The following AK9 variants were observed in gnomAD, a reference collection of about 807,000 sequenced individuals.
AK9 encodes adenylate kinase domain containing 1.
A neutral mutation model predicts 239.6 loss-of-function variants in AK9; 191 were observed. The observed-to-expected ratio is 0.80, with a 90% confidence interval of 0.71 to 0.90. The LOEUF is 0.90. Among genes scored for constraint, AK9 ranks in the 40% least tolerant of loss-of-function variants. The pLI, the probability that AK9 is intolerant of heterozygous loss-of-function variation, is 0.00. For missense variants in AK9, 1,995 were observed against 2,214.7 expected, an observed-to-expected ratio of 0.90 and a Z score of 1.99; for synonymous variants, 689 against 721.0, an observed-to-expected ratio of 0.96 and a Z score of 0.71.
At chr6:109,592,446 CTTT>C (rs55998817) in intron 17 of AK9, among the ~76,000 whole-genome samples, 2 of 126,752 alleles carry the variant, frequency 1.6e-5, no homozygotes, top group African/African-American at 2.9e-5. Context: ...AATGGGATTT[CTTT>C]TTTTTTTTTT....
intron 17 of AK9, among the ~76,000 whole-genome samples, chr6:109,607,288 C>T (rs1358264472): frequency 2.0e-5 from 3 of 151,988 alleles, no homozygotes; most frequent in Admixed American, 2.0e-4. Flanking sequence ...TAAAGAAGAC[C>T]TAAATTAATT....
intron 27 of AK9, 151 bp downstream of exon 27, chr6:109,541,896 T>C (rs1782943353): frequency 1.6e-6 from 1 of 638,672 alleles, no homozygotes; most frequent in Non-Finnish European, 2.5e-6. Context: ...ACTCTACAGA[T>C]GTTTTTAATG....
chr6:109,651,175 T>C (rs1202665760), intron 8 of AK9, among the ~76,000 whole-genome samples: 1 of 151,864 alleles, frequency 6.6e-6, no homozygotes, highest in African/African-American at 2.4e-5. Flanking sequence ...GGCACATGTA[T>C]ACATATGTAA....
intron 35 of AK9, among the ~76,000 whole-genome samples, chr6:109,501,443 C>G (rs769701568): frequency 2.0e-5 from 3 of 152,178 alleles, no homozygotes; most frequent in Non-Finnish European, 4.4e-5. Context: ...CTCCACAATC[C>G]TGCTTTTAAA....
intron 17 of AK9, among the ~76,000 whole-genome samples, chr6:109,593,034 C>A (rs1237196050): frequency 6.6e-6 from 1 of 152,036 alleles, no homozygotes; most frequent in Non-Finnish European, 1.5e-5. Flanking sequence ...TATATATAAT[C>A]CCATATTTCT....
intron 17 of AK9, among the ~76,000 whole-genome samples, chr6:109,591,098 C>A (rs1052800302): frequency 2.6e-5 from 4 of 152,100 alleles, no homozygotes; most frequent in Non-Finnish European, 5.9e-5. Context: ...AATGATCTGT[C>A]TAGTGCTGTC....
At chr6:109,633,729 C>T (rs1381418244) in intron 10 of AK9, among the ~76,000 whole-genome samples, 1 of 151,970 alleles carries the variant, frequency 6.6e-6, no homozygotes, top group Non-Finnish European at 1.5e-5. Context: ...GCTAATTTAC[C>T]TTGGCTTTCA....
intron 19 of AK9, among the ~76,000 whole-genome samples, chr6:109,580,914 G>A (rs74298497): frequency 1.3e-5 from 2 of 151,046 alleles, no homozygotes; most frequent in African/African-American, 4.9e-5. Context: ...GTTTTTTTTT[G>A]TGTTTTTTTG....
At chr6:109,602,150 GAT>G (rs1331857923) in intron 17 of AK9, among the ~76,000 whole-genome samples, 2 of 152,108 alleles carry the variant, frequency 1.3e-5, no homozygotes, top group African/African-American at 4.8e-5. Context: ...CTCATTAGTT[GAT>G]AGTTTCTTCC....
chr6:109,504,392 C>T (rs1468851550), intron 35 of AK9, among the ~76,000 whole-genome samples: 1 of 151,988 alleles, frequency 6.6e-6, no homozygotes, highest in African/African-American at 2.4e-5. Flanking sequence ...TTAAAGAATA[C>T]CTGTTTAAGT....
At chr6:109,528,173 T>C (rs1780755530) in intron 29 of AK9, 1 of 279,108 alleles carries the variant, frequency 3.6e-6, no homozygotes, top group South Asian at 3.5e-5. Context: ...TGCTGAAACA[T>C]TTGAAGTGAT....
intron 27 of AK9, among the ~76,000 whole-genome samples, chr6:109,534,572 A>G (rs931465686): frequency 2.0e-5 from 3 of 150,722 alleles, no homozygotes; most frequent in Admixed American, 6.6e-5. Context: ...AAGGAAGCAA[A>G]TTTCCATATA....
intron 29 of AK9, among the ~76,000 whole-genome samples, chr6:109,519,589 G>A (rs576569641): frequency 1.3e-4 from 20 of 152,042 alleles, no homozygotes; most frequent in Non-Finnish European, 2.8e-4. Flanking sequence ...GAGACCAGGA[G>A]TTTGAAAACA....
chr6:109,658,820 T>TA (rs140804781), intron 7 of AK9, among the ~76,000 whole-genome samples: 35 of 146,806 alleles, frequency 2.4e-4, no homozygotes, highest in South Asian at 6.5e-4. Flanking sequence ...AAGCTTAAAT[T>TA]AAAAAAAAAA....
chr6:109,671,491 T>C (rs1770880979), intron 5 of AK9, among the ~76,000 whole-genome samples: 1 of 152,218 alleles, frequency 6.6e-6, no homozygotes, highest in Non-Finnish European at 1.5e-5. Flanking sequence ...GGCTGAAGCC[T>C]GACAATATCT....
At position 109,688,154 on chromosome 6, in the gene AK9, C is replaced by G. The variant is rs535417232; in HGVS notation, c.-12+2993G>C. ...TGGCAGAGACCTGTTCATATTAAGC[C>G]CTCAATACGGTACAACCCCTTTAGG... On this transcript the variant is annotated intron_variant, in intron 1 of 40. Coordinates refer to ENST00000424296, the MANE Select transcript of AK9 (RefSeq NM_001145128.3). Among the ~76,000 whole-genome samples the G allele has an allele frequency of 5.3e-5, 8 of 152,252 alleles. No homozygotes were observed. The East Asian group carries it at 1.4e-3, about 26-fold the overall frequency.
intron 12 of AK9, among the ~76,000 whole-genome samples, chr6:109,623,885 AC>A (rs1186578795): frequency 6.8e-6 from 1 of 147,718 alleles, no homozygotes; most frequent in Non-Finnish European, 1.5e-5. Flanking sequence ...ACACACACAC[AC>A]ACACACACAC....
chr6:109,507,490 T>C (rs1778231440), intron 33 of AK9, among the ~76,000 whole-genome samples: 1 of 152,130 alleles, frequency 6.6e-6, no homozygotes, highest in African/African-American at 2.4e-5. Context: ...TGCATGCCTC[T>C]GAGCAGAAAT....
At chr6:109,637,092 A>G (rs1467633348) in intron 10 of AK9, among the ~76,000 whole-genome samples, 1 of 152,184 alleles carries the variant, frequency 6.6e-6, no homozygotes, top group East Asian at 1.9e-4. Context: ...TAGCACCCCA[A>G]TGGATATGAG....
Sources: gnomAD v4.1 joint callset for allele counts (sites outside exome capture counted in the v4.1 genomes callset) on GRCh38, gnomAD v4.1.1 for gene constraint, MANE v1.5 for transcripts, NCBI Gene and HGNC (gene_info 2026-07-23, HGNC 2026-07-21) for gene names.